Variants in CDKAL1 observed in about 807,000 individuals in gnomAD.
CDKAL1 encodes the protein CDKAL1 threonylcarbamoyladenosine tRNA methylthiotransferase.
A neutral mutation model predicts 68.2 loss-of-function variants in CDKAL1; 32 were observed. The ratio of observed to expected loss-of-function variants is 0.47; its 90% CI spans 0.35 to 0.63. The LOEUF (loss-of-function observed/expected upper bound fraction) is 0.63. CDKAL1 is among the 30% of genes least tolerant of loss of function. The pLI, the probability that CDKAL1 is intolerant of heterozygous loss-of-function variation, is 0.00. For missense variants in CDKAL1, 606 were observed against 696.7 expected (o/e 0.87, Z 1.47); for synonymous variants, 234 against 244.3 (o/e 0.96, Z 0.39).
intron 7 of CDKAL1, among the ~76,000 whole-genome samples, chr6:20,776,594 G>A (rs1775181248): frequency 6.6e-6 from 1 of 152,162 alleles, no homozygotes. Context: ...TACGAATTAT[G>A]TATTTGAAGT....
chr6:20,716,155 C>T (rs1772082321), intron 5 of CDKAL1, among the ~76,000 whole-genome samples: 1 of 152,162 alleles, frequency 6.6e-6, no homozygotes, highest in Non-Finnish European at 1.5e-5. Context: ...AAGAGAGTTT[C>T]TCAGCCTTGT....
chr6:21,108,284 A>G, intron 12 of CDKAL1, 117 bp from the exon 13 acceptor site: 1 of 651,952 alleles, frequency 1.5e-6, no homozygotes, highest in East Asian at 3.3e-5. Context: ...ATCTCTTAAA[A>G]AAAAAAAAAA....
At chr6:20,952,902 A>C (rs570768638) in intron 9 of CDKAL1, among the ~76,000 whole-genome samples, 1 of 152,236 alleles carries the variant, frequency 6.6e-6, no homozygotes, top group Non-Finnish European at 1.5e-5. Context: ...TCCTATTTGA[A>C]GGATCCATTC....
rs112043700 is a variant in CDKAL1 at position 20,691,131 on chromosome 6, G to A, written c.371+41754G>A. Among the ~76,000 whole-genome samples, 414 of 152,228 alleles carry A rather than the reference G, an allele frequency of 2.7e-3. 1 individual carries two copies. Among genetic ancestry groups the A allele is most frequent in the Non-Finnish European group, 4.2e-3 (285 of 67,998 alleles). On this transcript the variant is annotated intron_variant, in intron 5 of 15. Transcript: ENST00000274695. ...ATGACCACGACCCCACAAACACCCC[G>A]CAGGAGATTATGTGGCTGCCATTTG... is the stretch of plus-strand genomic sequence containing the variant.
At chr6:20,811,665 CT>C (rs1776822159) in intron 8 of CDKAL1, among the ~76,000 whole-genome samples, 1 of 151,978 alleles carries the variant, frequency 6.6e-6, no homozygotes, top group African/African-American at 2.4e-5. Flanking sequence ...GTGCTGTACA[CT>C]GCATATTACA....
At chr6:20,937,475 C>G in intron 9 of CDKAL1, among the ~76,000 whole-genome samples, 1 of 152,148 alleles carries the variant, frequency 6.6e-6, no homozygotes, top group East Asian at 1.9e-4. Flanking sequence ...AATCTGCAGA[C>G]CCTATCCAAA....
At chr6:20,975,274 T>A (rs1765789212) in intron 10 of CDKAL1, among the ~76,000 whole-genome samples, 1 of 152,198 alleles carries the variant, frequency 6.6e-6, no homozygotes, top group African/African-American at 2.4e-5. Flanking sequence ...CTGCAATTAC[T>A]CAGATTCAGT....
intron 5 of CDKAL1, among the ~76,000 whole-genome samples, chr6:20,654,048 G>GT (rs1452545434): frequency 1.3e-5 from 2 of 150,822 alleles, no homozygotes; most frequent in South Asian, 2.1e-4. Flanking sequence ...CGCCTAGTCA[G>GT]TTTTTTGTAT....
chr6:20,687,094 C>T (rs1275065833), intron 5 of CDKAL1, among the ~76,000 whole-genome samples: 1 of 152,080 alleles, frequency 6.6e-6, no homozygotes, highest in Non-Finnish European at 1.5e-5. Flanking sequence ...ATTTGATTTT[C>T]TATGGATGAT....
At chr6:21,069,360 A>G (rs1008180501) in intron 12 of CDKAL1, among the ~76,000 whole-genome samples, 2 of 152,172 alleles carry the variant, frequency 1.3e-5, no homozygotes, top group Non-Finnish European at 2.9e-5. Context: ...TTAATCATGA[A>G]TAGAGTTGAA....
At chr6:21,086,857 A>G (rs115401401) in intron 12 of CDKAL1, among the ~76,000 whole-genome samples, 1,638 of 152,322 alleles carry the variant, frequency 0.011, 34 homozygotes, top group African/African-American at 0.036. Flanking sequence ...AAATTTACAA[A>G]GGTTAAAAAA....
At chr6:20,805,938 A>G (rs1273162829) in intron 8 of CDKAL1, among the ~76,000 whole-genome samples, 1 of 152,208 alleles carries the variant, frequency 6.6e-6, no homozygotes, top group Non-Finnish European at 1.5e-5. Context: ...ATACAGCAAT[A>G]TTTAATTTAA....
At chr6:20,595,961 G>A (rs9358350) in intron 4 of CDKAL1, among the ~76,000 whole-genome samples, 34,855 of 152,066 alleles carry the variant, frequency 0.23, 4,929 homozygotes, top group East Asian at 0.53. Context: ...GTTTGCTGGA[G>A]GTCCACTCCA....
At chr6:21,030,330 T>C (rs1043384378) in intron 11 of CDKAL1, among the ~76,000 whole-genome samples, 9 of 152,032 alleles carry the variant, frequency 5.9e-5, no homozygotes, top group African/African-American at 2.2e-4. Flanking sequence ...CCACTGGTAG[T>C]GGAGGTAGTG....
intron 10 of CDKAL1, among the ~76,000 whole-genome samples, chr6:20,999,018 T>C (rs1018594239): frequency 6.6e-6 from 1 of 152,304 alleles, no homozygotes; most frequent in African/African-American, 2.4e-5. Flanking sequence ...GAGAGGTAAC[T>C]GGACGGAATT....
chr6:20,778,581 T>C (rs930918682), intron 7 of CDKAL1, among the ~76,000 whole-genome samples: 3 of 152,176 alleles, frequency 2.0e-5, no homozygotes, highest in Non-Finnish European at 4.4e-5. Context: ...AAGATCTGCG[T>C]TCAGCAAGCT....
At chr6:20,681,728 C>T (rs572118102) in intron 5 of CDKAL1, among the ~76,000 whole-genome samples, 3 of 152,208 alleles carry the variant, frequency 2.0e-5, no homozygotes, top group South Asian at 4.2e-4. Context: ...TTTTAATTCA[C>T]TCCAGAAGCG....
At position 21,230,970 on chromosome 6, in the gene CDKAL1, G is replaced by A. The variant is rs139346596; in HGVS notation, c.1671G>A (p.Ala557=). 2.3e-5 allele frequency: 37 copies of A among 1,613,558 alleles called. No homozygotes were observed. The highest frequency in any genetic ancestry group is 4.4e-5 in the South Asian group (4 of 91,008). Residue 557 remains alanine, a synonymous_variant, in exon 16 of 16, where the codon GCG becomes GCA. Coordinates refer to ENST00000274695, the MANE Select transcript of CDKAL1 (RefSeq NM_017774.3). The part of the protein sequence containing the change: ...LPMPRLHQDC[A]LRMSVGLALL... Reference sequence around the variant, plus strand: ...TGCCAAGGCTACATCAAGACTGTGCGCTGAGGATGTCCGTGGGCTTGGCTC... The same window carrying A: ...TGCCAAGGCTACATCAAGACTGTGCACTGAGGATGTCCGTGGGCTTGGCTC...
At chr6:20,737,541 TA>T in intron 5 of CDKAL1, among the ~76,000 whole-genome samples, 1 of 151,230 alleles carries the variant, frequency 6.6e-6, no homozygotes, top group South Asian at 2.1e-4. Flanking sequence ...CTAGGTGTTA[TA>T]ATGAAAGTTC....
Sources: allele counts gnomAD v4.1 joint callset (sites outside exome capture counted in the v4.1 genomes callset), GRCh38; gene constraint gnomAD v4.1.1; transcripts MANE v1.5; gene names NCBI Gene and HGNC (gene_info 2026-07-23, HGNC 2026-07-21).